Variants in MAGI2 observed in about 807,000 individuals in gnomAD.
MAGI2 encodes the protein membrane-associated guanylate kinase, WW and PDZ domain-containing protein 2.
A neutral mutation model predicts 133.3 loss-of-function variants in MAGI2; 35 were observed. The ratio of observed to expected loss-of-function variants is 0.26; its 90% confidence interval spans 0.20 to 0.35. MAGI2 has a LOEUF of 0.35. MAGI2 is among the 10% of genes least tolerant of loss of function. The pLI, the probability that MAGI2 is intolerant of heterozygous loss-of-function variation, is 1.00. For synonymous variants in MAGI2, 729 were observed against 710.6 expected (o/e 1.03, Z -0.41); for missense variants, 1,636 against 1,863.4 (o/e 0.88, Z 2.25).
Position 79,453,039 on chromosome 7 carries a change from C to A in MAGI2, c.282G>T (p.Arg94=). 5.0e-6 allele frequency: 8 copies of A among 1,596,030 alleles called. No homozygotes were observed. Among genetic ancestry groups the A allele is most frequent in the Non-Finnish European group, 5.1e-6 (6 of 1,170,654 alleles). The change falls in exon 1 of 22, where the codon CGG becomes CGT. Residue 94 remains arginine (R), a synonymous_variant. Coordinates refer to ENST00000354212, the MANE Select transcript of MAGI2 (RefSeq NM_012301.4). ...AVIKHCKDPL[R]LKCVKQGGIV... ...TCTCACCTTGCTTGACACACTTGAGCCGGAGGGGGTCCTTGCAGTGTTTGA... is the reference window on the plus strand; with the variant it reads ...TCTCACCTTGCTTGACACACTTGAGACGGAGGGGGTCCTTGCAGTGTTTGA...
intron 1 of MAGI2, among the ~76,000 whole-genome samples, chr7:79,099,754 G>T (rs1040890986): frequency 6.6e-6 from 1 of 152,032 alleles, no homozygotes; most frequent in African/African-American, 2.4e-5. Flanking sequence ...GTGTTAGTTC[G>T]CTTAGGATAA....
intron 1 of MAGI2, among the ~76,000 whole-genome samples, chr7:79,118,766 C>G (rs575650506): frequency 1.3e-5 from 2 of 152,222 alleles, no homozygotes; most frequent in South Asian, 2.1e-4. Context: ...ATGACCTCCT[C>G]CCTGATTCCA....
At chr7:78,083,381 A>AG (rs201638758) in intron 20 of MAGI2, among the ~76,000 whole-genome samples, 2 of 19,474 alleles carry the variant, frequency 1.0e-4, no homozygotes, top group Admixed American at 6.7e-4. Context: ...GGAGGGAGGG[A>AG]GGGGGGGAGA....
At chr7:78,536,161 G>A (rs1031156804) in intron 3 of MAGI2, among the ~76,000 whole-genome samples, 5 of 117,078 alleles carry the variant, frequency 4.3e-5, no homozygotes, top group Admixed American at 1.2e-4. Flanking sequence ...CGCCCAGGCT[G>A]GAGTGCAGTG....
intron 1 of MAGI2, among the ~76,000 whole-genome samples, chr7:79,433,752 C>T (rs1210777766): frequency 9.9e-5 from 15 of 152,084 alleles, no homozygotes; most frequent in African/African-American, 2.9e-4. Flanking sequence ...AAGTTACACA[C>T]GGACTCTCAA....
At chr7:79,139,033 GA>G (rs1178297045) in intron 1 of MAGI2, among the ~76,000 whole-genome samples, 6 of 144,898 alleles carry the variant, frequency 4.1e-5, no homozygotes, top group African/African-American at 7.6e-5. Context: ...TGTGTACAGA[GA>G]AAAGGCCATC....
chr7:78,777,705 A>G (rs1455866671), intron 2 of MAGI2, among the ~76,000 whole-genome samples: 1 of 152,156 alleles, frequency 6.6e-6, no homozygotes, highest in Non-Finnish European at 1.5e-5. Context: ...GCATATTTTG[A>G]GCCAATTACC....
intron 1 of MAGI2, among the ~76,000 whole-genome samples, chr7:79,088,262 T>C (rs56010284): frequency 2.0e-5 from 3 of 152,114 alleles, no homozygotes; most frequent in Non-Finnish European, 4.4e-5. Flanking sequence ...TATTTTATTC[T>C]CTTTGTAGTA....
chr7:78,975,472 A>G lies in MAGI2; in HGVS notation c.418+31618T>C, dbSNP rs562230784. On this transcript the variant is annotated intron_variant, in intron 2 of 21. Transcript: ENST00000354212. ...CGGGAGAAATTTTAAAATACTTTGAACTAAATGGGAATGAAAATATAATTT... is the reference window on the plus strand; with the variant it reads ...CGGGAGAAATTTTAAAATACTTTGAGCTAAATGGGAATGAAAATATAATTT... 1.4e-4 allele frequency among the ~76,000 whole-genome samples: 21 copies of G among 151,846 alleles called. No homozygotes were observed. The South Asian group carries it at 2.9e-3, about 21-fold the overall frequency.
At chr7:78,433,545 A>T (rs1799990649) in intron 6 of MAGI2, among the ~76,000 whole-genome samples, 1 of 151,950 alleles carries the variant, frequency 6.6e-6, no homozygotes, top group African/African-American at 2.4e-5. Flanking sequence ...CTCCATTTAC[A>T]TTCAGTGTAG....
intron 21 of MAGI2, among the ~76,000 whole-genome samples, chr7:78,052,575 G>A (rs916204744): frequency 3.3e-5 from 5 of 152,218 alleles, no homozygotes; most frequent in African/African-American, 9.6e-5. Context: ...GGGGCAGCCA[G>A]GCATCCTGGA....
At chr7:78,749,156 T>A (rs929585232) in intron 2 of MAGI2, among the ~76,000 whole-genome samples, 3 of 152,164 alleles carry the variant, frequency 2.0e-5, no homozygotes, top group Non-Finnish European at 4.4e-5. Context: ...AGAAATGATC[T>A]TCACCCAAGT....
intron 9 of MAGI2, among the ~76,000 whole-genome samples, chr7:78,296,376 C>G (rs1015743762): frequency 6.6e-6 from 1 of 152,202 alleles, no homozygotes; most frequent in Non-Finnish European, 1.5e-5. Context: ...TTCCCTCTGC[C>G]TAGTATGCCC....
chr7:78,127,985 TATA>T (rs553692789), intron 18 of MAGI2, among the ~76,000 whole-genome samples: 156 of 152,282 alleles, frequency 1.0e-3, no homozygotes, highest in African/African-American at 3.6e-3. Flanking sequence ...GATGGTAAAA[TATA>T]ATCACCAACT....
In MAGI2 at chr7:79,051,303, G is replaced by T. The variant is rs147739230; in HGVS notation, c.302-44097C>A. 3.0e-3 allele frequency among the ~76,000 whole-genome samples: 459 copies of T among 152,234 alleles called. 1 individual carries two copies. The highest frequency in any genetic ancestry group is 0.011 in the African/African-American group (444 of 41,554). ...TACCGTGTTACCAAGACCCCTCATT[G>T]TTCCCTATGCAATGAGGGTCTTTTC... is the stretch of plus-strand genomic sequence containing the variant. On this transcript the variant is annotated intron_variant, in intron 1 of 21. Coordinates refer to ENST00000354212, the MANE Select transcript of MAGI2 (RefSeq NM_012301.4).
intron 3 of MAGI2, among the ~76,000 whole-genome samples, chr7:78,524,721 A>C (rs976011883): frequency 6.6e-6 from 1 of 152,090 alleles, no homozygotes; most frequent in Non-Finnish European, 1.5e-5. Context: ...GCTCCCTGGT[A>C]TCAATGAACT....
chr7:79,288,944 G>A (rs1206924894), intron 1 of MAGI2, among the ~76,000 whole-genome samples: 1 of 152,040 alleles, frequency 6.6e-6, no homozygotes, highest in African/African-American at 2.4e-5. Flanking sequence ...CTAGACTTGG[G>A]CTTTTCTCTG....
At chr7:78,116,649 C>CAGT (rs1286986532) in intron 20 of MAGI2, among the ~76,000 whole-genome samples, 1 of 152,058 alleles carries the variant, frequency 6.6e-6, no homozygotes, top group Admixed American at 6.5e-5. Flanking sequence ...GAGGCTGAAG[C>CAGT]AGTAGTATTG....
intron 6 of MAGI2, among the ~76,000 whole-genome samples, chr7:78,376,240 A>G (rs1794438272): frequency 6.6e-6 from 1 of 152,156 alleles, no homozygotes; most frequent in African/African-American, 2.4e-5. Context: ...ACCAAAGAAC[A>G]AATTAAAAAA....
Sources: allele counts gnomAD v4.1 joint callset (sites outside exome capture counted in the v4.1 genomes callset), GRCh38; gene constraint gnomAD v4.1.1; transcripts MANE v1.5; gene names NCBI Gene and HGNC (gene_info 2026-07-23, HGNC 2026-07-21).